SH3D19: variants seen among roughly 807,000 people sequenced by gnomAD.
SH3D19 encodes SH3 domain-containing protein 19.
A neutral mutation model predicts 112.1 loss-of-function variants in SH3D19; 58 were observed. That is an observed-to-expected ratio of 0.52 (90% CI 0.42 to 0.64). The LOEUF (loss-of-function observed/expected upper bound fraction) is 0.64. SH3D19 is among the 30% of genes least tolerant of loss of function. The pLI, the probability that SH3D19 is intolerant of heterozygous loss-of-function variation, is 0.00. For synonymous variants in SH3D19, 391 were observed against 448.5 expected (o/e 0.87, Z 1.62); for missense variants, 1,090 against 1,263.4 (o/e 0.86, Z 2.08).
chr4:151,156,571 G>A (rs1756142084), intron 9 of SH3D19, among the ~76,000 whole-genome samples: 1 of 152,136 alleles, frequency 6.6e-6, no homozygotes, highest in South Asian at 2.1e-4. Flanking sequence ...CAGTCATTGG[G>A]GAAAGCACAG....
At chr4:151,201,878 G>A (rs181607898) in intron 2 of SH3D19, among the ~76,000 whole-genome samples, 1 of 151,978 alleles carries the variant, frequency 6.6e-6, no homozygotes, top group African/African-American at 2.4e-5. Flanking sequence ...CAGGCATGGT[G>A]GCGGCTACCT....
chr4:151,130,822 C>A (rs1351201167), intron 17 of SH3D19, among the ~76,000 whole-genome samples: 2 of 152,060 alleles, frequency 1.3e-5, no homozygotes, highest in East Asian at 3.9e-4. Context: ...CACCTGTAAA[C>A]CCAGCTTACT....
chr4:151,143,887 C>T (rs780382783), intron 12 of SH3D19, 23 bp downstream of exon 12: 8 of 1,601,210 alleles, frequency 5.0e-6, no homozygotes, highest in Admixed American at 1.7e-5. Flanking sequence ...GATATGAGGG[C>T]TGTAACAATA....
At chr4:151,215,898 T>C (rs1220086574) in intron 2 of SH3D19, among the ~76,000 whole-genome samples, 2 of 151,976 alleles carry the variant, frequency 1.3e-5, no homozygotes, top group Non-Finnish European at 2.9e-5. Flanking sequence ...TACTCTCGGC[T>C]CACTGCAACC....
intron 2 of SH3D19, among the ~76,000 whole-genome samples, chr4:151,209,281 A>AT (rs112135341): frequency 0.1 from 14,742 of 143,206 alleles, 1,073 homozygotes; most frequent in African/African-American, 0.21. Flanking sequence ...TCGAAAAAGT[A>AT]TTTTTTTTTT....
chr4:151,144,303 A>G, intron 11 of SH3D19: 5 of 1,611,100 alleles, frequency 3.1e-6, no homozygotes, highest in Non-Finnish European at 4.2e-6. Context: ...AACGTAAACC[A>G]ATAAAAGGCT....
At chr4:151,154,128 ATTT>A (rs547926242) in intron 9 of SH3D19, among the ~76,000 whole-genome samples, 1 of 108,682 alleles carries the variant, frequency 9.2e-6, no homozygotes, top group Non-Finnish European at 2.0e-5. Context: ...CACCCGGCTG[ATTT>A]TTTTTTTTTT....
Position 151,131,665 on chromosome 4 carries a change from T to A in SH3D19, c.2742+666A>T, listed in dbSNP as rs147658825. On this transcript the variant is annotated intron_variant, in intron 17 of 19. Coordinates refer to ENST00000604030, the MANE Select transcript of SH3D19 (RefSeq NM_001378122.1). ...CCACACCCGGCTGATTTTTTTTGTA[T>A]TTTTAGTAGAGACGGGGTTTCACCG... 6.2e-3 allele frequency among the ~76,000 whole-genome samples: 950 copies of A among 152,056 alleles called. 7 individuals are homozygous for A. Among genetic ancestry groups the A allele is most frequent in the African/African-American group, 0.022 (922 of 41,460 alleles).
chr4:151,188,278 CTG>C (rs2149852765), intron 2 of SH3D19, among the ~76,000 whole-genome samples: 1 of 152,262 alleles, frequency 6.6e-6, no homozygotes, highest in East Asian at 1.9e-4. Context: ...AAAGCGAGGA[CTG>C]TAATATAAAG....
chr4:151,316,459 T>C (rs965148961), intron 1 of SH3D19, among the ~76,000 whole-genome samples: 3 of 152,220 alleles, frequency 2.0e-5, no homozygotes, highest in Non-Finnish European at 4.4e-5. Context: ...AGTTCATTAA[T>C]TGTGATGAAT....
intron 3 of SH3D19, among the ~76,000 whole-genome samples, chr4:151,184,902 T>C (rs995897057): frequency 9.9e-5 from 15 of 152,176 alleles, no homozygotes; most frequent in African/African-American, 1.9e-4. Flanking sequence ...TGGGTCTCAA[T>C]TGACCTCCTA....
chr4:151,290,215 G>C (rs935010653), intron 1 of SH3D19, among the ~76,000 whole-genome samples: 1 of 152,114 alleles, frequency 6.6e-6, no homozygotes, highest in Admixed American at 6.6e-5. Context: ...AAGGCACTAG[G>C]ATTACAGACA....
At chr4:151,237,433 T>C (rs1770197288) in intron 1 of SH3D19, among the ~76,000 whole-genome samples, 1 of 152,238 alleles carries the variant, frequency 6.6e-6, no homozygotes, top group Non-Finnish European at 1.5e-5. Flanking sequence ...TCTCCAGGTG[T>C]CTACTACTGG....
intron 2 of SH3D19, among the ~76,000 whole-genome samples, chr4:151,211,837 G>T (rs1766023876): frequency 6.6e-6 from 1 of 152,202 alleles, no homozygotes; most frequent in Admixed American, 6.5e-5. Flanking sequence ...GTAGAGGTTG[G>T]TTCATGCAAT....
rs542751869 is a variant in SH3D19 at position 151,126,203 on chromosome 4, G to T, written c.3027+1415C>A. ...CTTCCCAAAAGTGTTGGGATTAGAG[G>T]TGTGAGCCACTGTTGCTCGGCCTTT... On this transcript the variant is annotated intron_variant, in intron 19 of 19. Transcript: ENST00000604030. 5.3e-5 allele frequency among the ~76,000 whole-genome samples: 8 copies of T among 152,306 alleles called. No homozygotes were observed. In the South Asian group the frequency reaches 1.7e-3, roughly 32 times the overall value.
chr4:151,214,391 C>T (rs2149915416), intron 2 of SH3D19, among the ~76,000 whole-genome samples: 1 of 112,894 alleles, frequency 8.9e-6, no homozygotes, highest in Non-Finnish European at 2.1e-5. Flanking sequence ...GGGCACACCT[C>T]CCAGACGGGG....
chr4:151,175,498 G>A lies in SH3D19; in HGVS notation c.706C>T (p.Pro236Ser). 1 of 1,430,162 alleles carries A rather than the reference G, an allele frequency of 7.0e-7. No individual in the cohort carries two copies. The highest frequency in any genetic ancestry group is 9.1e-7 in the Non-Finnish European group (1 of 1,095,952). 88.6% of individuals were successfully genotyped at this position (1,430,162 alleles called of 1,614,324 possible). A position where few individuals can be genotyped will look rare whatever the true frequency, so the allele number is the denominator to read the frequency against. The change falls in exon 7 of 20, where the codon CCA (proline) becomes TCA (serine). Residue 236 changes from proline to serine, a missense_variant. Physicochemically the swap from Pro to Ser is moderately conservative, Grantham distance 74. Transcript: ENST00000604030. ...TTAATGTGAGAATCTCTGGGTATTG[G>A]TCTGAGGTTGCTTTTTGATCTTGGT... ...PKPRSKSNLR[P>S]IPRDSHIKEQ... is the part of the protein sequence containing the mutation.
rs191240389 is a variant in SH3D19 at position 151,310,772 on chromosome 4, A to T, written c.112+14469T>A. Among the ~76,000 whole-genome samples the T allele has an allele frequency of 4.2e-3, 637 of 151,650 alleles. 5 individuals carry two copies. Among genetic ancestry groups the T allele is most frequent in the African/African-American group, 0.013 (555 of 41,380 alleles). On this transcript the variant is annotated intron_variant, in intron 1 of 19. Transcript: ENST00000604030. ...TTTTTAGTAGAGACGGGGTTTCACC[A>T]TGTTGACCAGGCTGGTCTCGAACTC...
Position 151,291,423 on chromosome 4 carries a change from T to C in SH3D19, c.112+33818A>G, listed in dbSNP as rs1421721228. 5.0e-6 allele frequency: 8 copies of C among 1,612,954 alleles called. No homozygotes were observed. In the East Asian group the frequency reaches 1.1e-4, roughly 22 times the overall value. On this transcript the variant is annotated intron_variant, in intron 1 of 19. Transcript: ENST00000604030. ...CTTGCATACAGGGCTGGGAAGAGAA[T>C]GCATGGAGATTTAGTCCCAGGGGCA...
Sources: gnomAD v4.1 joint callset for allele counts (sites outside exome capture counted in the v4.1 genomes callset) on GRCh38, gnomAD v4.1.1 for gene constraint, MANE v1.5 for transcripts, NCBI Gene and HGNC (gene_info 2026-07-23, HGNC 2026-07-21) for gene names.